ANKRD10: variants seen among roughly 807,000 people sequenced by gnomAD.
ANKRD10 encodes ankyrin repeat domain 10.
A neutral mutation model predicts 27.0 loss-of-function variants in ANKRD10; 14 were observed. The ratio of observed to expected loss-of-function variants is 0.52; its 90% CI spans 0.34 to 0.81. ANKRD10 has a LOEUF of 0.81. Among genes scored for constraint, ANKRD10 ranks in the 40% least tolerant of loss-of-function variants. ANKRD10 has a pLI of 0.01. For missense variants in ANKRD10, 493 were observed against 544.0 expected, an observed-to-expected ratio of 0.91 and a Z score of 0.93; for synonymous variants, 250 against 224.5, an observed-to-expected ratio of 1.11 and a Z score of -1.01.
intron 3 of ANKRD10, among the ~76,000 whole-genome samples, chr13:110,897,689 T>C (rs2065266624): frequency 6.6e-6 from 1 of 152,188 alleles, no homozygotes; most frequent in African/African-American, 2.4e-5. Context: ...TCTCCATATA[T>C]GGATTTTCTT....
chr13:110,887,409 G>C (rs1001975992), intron 4 of ANKRD10, among the ~76,000 whole-genome samples: 4 of 152,154 alleles, frequency 2.6e-5, no homozygotes, highest in Non-Finnish European at 4.4e-5. Context: ...TGACCAGGTG[G>C]AGTGAAGACA....
intron 4 of ANKRD10, among the ~76,000 whole-genome samples, chr13:110,888,004 CT>C (rs1271082165): frequency 6.6e-6 from 1 of 152,202 alleles, no homozygotes; most frequent in Non-Finnish European, 1.5e-5. Context: ...TTTTACTCAA[CT>C]TTTTAAGGTC....
At chr13:110,901,659 A>G (rs973201833) in intron 3 of ANKRD10, among the ~76,000 whole-genome samples, 5 of 152,238 alleles carry the variant, frequency 3.3e-5, no homozygotes, top group African/African-American at 1.2e-4. Context: ...GCAGAACTTA[A>G]TAACTATCTC....
intron 3 of ANKRD10, among the ~76,000 whole-genome samples, chr13:110,904,845 C>A (rs138814407): frequency 2.0e-5 from 3 of 152,288 alleles, no homozygotes; most frequent in Non-Finnish European, 2.9e-5. Flanking sequence ...GGATCACAGC[C>A]CAAACTAATG....
At chr13:110,903,323 A>C (rs2065436280) in intron 3 of ANKRD10, among the ~76,000 whole-genome samples, 1 of 150,564 alleles carries the variant, frequency 6.6e-6, no homozygotes, top group African/African-American at 2.4e-5. Context: ...AGTTAGATTT[A>C]ATCCTGTGCG....
intron 3 of ANKRD10, chr13:110,905,109 G>A (rs779713621): frequency 4.4e-5 from 6 of 135,802 alleles, no homozygotes; most frequent in Middle Eastern, 3.6e-3. Flanking sequence ...TAATTTTCAT[G>A]AATTATTCAT....
chr13:110,898,240 A>G (rs1013192575), intron 3 of ANKRD10, among the ~76,000 whole-genome samples: 1 of 152,222 alleles, frequency 6.6e-6, no homozygotes, highest in Non-Finnish European at 1.5e-5. Context: ...CCCTAACTTC[A>G]AAGTTTGAGT....
intron 2 of ANKRD10, among the ~76,000 whole-genome samples, chr13:110,907,937 C>T (rs1450541456): frequency 6.6e-6 from 1 of 152,060 alleles, no homozygotes; most frequent in African/African-American, 2.4e-5. Context: ...AAGGGTCTGT[C>T]ACGGTGGGAT....
intron 4 of ANKRD10, among the ~76,000 whole-genome samples, chr13:110,884,744 T>A (rs1418300840): frequency 6.6e-6 from 1 of 152,254 alleles, no homozygotes; most frequent in African/African-American, 2.4e-5. Context: ...CATTTTTATG[T>A]GTATTTCTGG....
At chr13:110,906,764 AG>A (rs981926665) in intron 2 of ANKRD10, among the ~76,000 whole-genome samples, 1 of 152,044 alleles carries the variant, frequency 6.6e-6, no homozygotes, top group African/African-American at 2.4e-5. Flanking sequence ...AAGAACACAA[AG>A]GTAAAGCAAA....
intron 4 of ANKRD10, among the ~76,000 whole-genome samples, chr13:110,885,567 G>GAAAGAA (rs2064908148): frequency 1.3e-5 from 2 of 151,960 alleles, no homozygotes; most frequent in African/African-American, 4.8e-5. Flanking sequence ...AAAAAAGAAA[G>GAAAGAA]AAAGAAAAAG....
chr13:110,912,286 A>C (rs2065738241), intron 1 of ANKRD10, among the ~76,000 whole-genome samples: 1 of 152,198 alleles, frequency 6.6e-6, no homozygotes. Flanking sequence ...TCTCAACTCA[A>C]GGTTTCTTTT....
intron 1 of ANKRD10, among the ~76,000 whole-genome samples, chr13:110,914,022 G>A (rs1357853442): frequency 1.3e-5 from 2 of 152,214 alleles, no homozygotes; most frequent in East Asian, 3.8e-4. Context: ...AACCACTTCT[G>A]CAGTAATTTA....
chr13:110,907,908 T>C (rs2065582587), intron 2 of ANKRD10, among the ~76,000 whole-genome samples: 1 of 151,744 alleles, frequency 6.6e-6, no homozygotes, highest in African/African-American at 2.4e-5. Context: ...AAGCTATCCT[T>C]GGAACAAGAC....
At chr13:110,893,312 G>T (rs765388234) in intron 3 of ANKRD10, 49 bp from the exon 4 acceptor site, 15 of 1,570,866 alleles carry the variant, frequency 9.5e-6, no homozygotes. Context: ...GTGCTAACCT[G>T]GTCTCTGCTC....
intron 3 of ANKRD10, among the ~76,000 whole-genome samples, chr13:110,898,723 A>C (rs1028387867): frequency 2.7e-5 from 4 of 150,028 alleles, no homozygotes; most frequent in South Asian, 2.1e-4. Context: ...CAGGTACACA[A>C]CACCATACCC....
At chr13:110,885,978 T>C (rs1566450271) in intron 4 of ANKRD10, among the ~76,000 whole-genome samples, 1 of 152,206 alleles carries the variant, frequency 6.6e-6, no homozygotes, top group African/African-American at 2.4e-5. Flanking sequence ...CCTAGAATAG[T>C]ACTCACATCA....
intron 3 of ANKRD10, among the ~76,000 whole-genome samples, chr13:110,905,428 CGAAA>C (rs1163732764): frequency 6.6e-6 from 1 of 152,082 alleles, no homozygotes; most frequent in Non-Finnish European, 1.5e-5. Context: ...TGGGCTAAAA[CGAAA>C]GATATTTAAA....
At chr13:110,888,363 CTG>C (rs1192877483) in intron 4 of ANKRD10, among the ~76,000 whole-genome samples, 3 of 151,940 alleles carry the variant, frequency 2.0e-5, no homozygotes, top group South Asian at 4.2e-4. Flanking sequence ...GTAATTCAGA[CTG>C]TATTTCAAGA....
Sources: gnomAD v4.1 joint callset for allele counts (sites outside exome capture counted in the v4.1 genomes callset) on GRCh38, gnomAD v4.1.1 for gene constraint, MANE v1.5 for transcripts, NCBI Gene and HGNC (gene_info 2026-07-23, HGNC 2026-07-21) for gene names.